The following EEF1AKMT1 variants were observed in gnomAD, a reference collection of about 807,000 sequenced individuals.
The protein encoded by EEF1AKMT1 is N-6 adenine-specific DNA methyltransferase 2 (putative).
A neutral mutation model predicts 21.0 loss-of-function variants in EEF1AKMT1; 18 were observed. That is an observed-to-expected ratio of 0.86 (90% CI 0.59 to 1.27). The LOEUF is 1.27. Ranked by LOEUF, EEF1AKMT1 falls within the 50% of genes most tolerant of loss-of-function variation. The probability of loss-of-function intolerance (pLI) is 0.00; values close to 1 mark genes in which losing one functional copy is unlikely to be tolerated. For missense variants in EEF1AKMT1, 246 were observed against 258.6 expected, an observed-to-expected ratio of 0.95 and a Z score of 0.33; for synonymous variants, 109 against 94.8, an observed-to-expected ratio of 1.15 and a Z score of -0.87.
rs1379205762 is a variant in EEF1AKMT1, at chr13:20,729,027, A to G, written c.*53T>C. The G allele has an allele frequency of 4.4e-6, 7 of 1,608,218 alleles. No homozygotes were observed. Among genetic ancestry groups the G allele is most frequent in the Non-Finnish European group, 6.0e-6 (7 of 1,175,278 alleles). ...TAACTTTTAAATCTACTACGAAAAT[A>G]CAAAAAGAGGAATGTGACAGGGTTC... On this transcript the variant is annotated 3_prime_UTR_variant, in exon 5 of 5. Transcript: ENST00000382758.
intron 2 of EEF1AKMT1, among the ~76,000 whole-genome samples, chr13:20,739,361 A>G (rs971964192): frequency 6.6e-6 from 1 of 152,180 alleles, no homozygotes; most frequent in East Asian, 1.9e-4. Flanking sequence ...GCCGCCGCTA[A>G]GCAGGGGCAG....
intron 2 of EEF1AKMT1, among the ~76,000 whole-genome samples, chr13:20,750,624 T>C (rs978939195): frequency 1.3e-5 from 2 of 152,218 alleles, no homozygotes; most frequent in African/African-American, 2.4e-5. Context: ...ATCCTTGTTA[T>C]TGTGAATAGT....
intron 1 of EEF1AKMT1, among the ~76,000 whole-genome samples, chr13:20,766,109 C>G (rs1451335951): frequency 6.6e-6 from 1 of 151,236 alleles, no homozygotes; most frequent in African/African-American, 2.4e-5. Context: ...ACCAGCCTGG[C>G]CAACATGGTG....
intron 2 of EEF1AKMT1, among the ~76,000 whole-genome samples, chr13:20,749,270 T>C (rs185193736): frequency 6.6e-6 from 1 of 152,302 alleles, no homozygotes; most frequent in Admixed American, 6.5e-5. Context: ...CCTATCACTT[T>C]TGTATTTCCC....
chr13:20,767,775 T>C (rs1479344947), intron 1 of EEF1AKMT1, among the ~76,000 whole-genome samples: 4 of 152,212 alleles, frequency 2.6e-5, no homozygotes, highest in African/African-American at 2.4e-5. Flanking sequence ...ATTATACATA[T>C]ATTTAGTAGC....
At chr13:20,744,153 CAT>C (rs1285338633) in intron 2 of EEF1AKMT1, among the ~76,000 whole-genome samples, 2 of 152,316 alleles carry the variant, frequency 1.3e-5, no homozygotes, top group East Asian at 1.9e-4. Context: ...CTGCAATAAA[CAT>C]ATGTGTGCAT....
chr13:20,773,216 T>C lies in EEF1AKMT1; in HGVS notation c.-20+705A>G, dbSNP rs528808847. ...AATGCTTACAATGAAATGCAGGTCG[T>C]ACGTGTGCAGTGCGACGTTGTGATG... On this transcript the variant is annotated intron_variant, in intron 1 of 4. Transcript: ENST00000382758. Among the ~76,000 whole-genome samples, 4 of 152,298 alleles carry C rather than the reference T, an allele frequency of 2.6e-5. No homozygotes were observed. In the South Asian group the frequency reaches 8.3e-4, roughly 32 times the overall value.
chr13:20,746,104 CAT>C (rs67316150), intron 2 of EEF1AKMT1, among the ~76,000 whole-genome samples: 22,987 of 151,972 alleles, frequency 0.15, 1,910 homozygotes, highest in African/African-American at 0.21. Flanking sequence ...GACAAATATA[CAT>C]ATATACATGT....
chr13:20,735,374 G>C (rs202202371), intron 3 of EEF1AKMT1, among the ~76,000 whole-genome samples: 1 of 152,062 alleles, frequency 6.6e-6, no homozygotes, highest in Non-Finnish European at 1.5e-5. Flanking sequence ...TTGTCTGGAT[G>C]GGGGGGATGC....
chr13:20,751,288 A>C (rs1473212320), intron 2 of EEF1AKMT1, among the ~76,000 whole-genome samples: 4 of 152,060 alleles, frequency 2.6e-5, no homozygotes, highest in Non-Finnish European at 4.4e-5. Context: ...TTTTGTCTAG[A>C]AGTTTTATAG....
intron 1 of EEF1AKMT1, among the ~76,000 whole-genome samples, chr13:20,771,176 C>A (rs765856506): frequency 6.6e-6 from 1 of 152,136 alleles, no homozygotes; most frequent in Non-Finnish European, 1.5e-5. Flanking sequence ...CCAGCCAATT[C>A]CATTTTTATT....
intron 2 of EEF1AKMT1, among the ~76,000 whole-genome samples, chr13:20,748,309 G>GCCA (rs2058919300): frequency 6.6e-6 from 1 of 151,986 alleles, no homozygotes; most frequent in African/African-American, 2.4e-5. Context: ...GGTGGCGGGC[G>GCCA]CCTGTAGTCC....
chr13:20,756,278 A>G (rs1381749786), intron 2 of EEF1AKMT1, among the ~76,000 whole-genome samples: 2 of 152,196 alleles, frequency 1.3e-5, no homozygotes, highest in Admixed American at 6.5e-5. Flanking sequence ...TCCTTTAAAA[A>G]AAAAAATTAT....
chr13:20,735,258 G>A (rs1237094177), intron 3 of EEF1AKMT1, among the ~76,000 whole-genome samples: 1 of 152,128 alleles, frequency 6.6e-6, no homozygotes, highest in African/African-American at 2.4e-5. Context: ...AAAACTGGGA[G>A]GTTTTACTGA....
At chr13:20,732,160 CAGAG>C (rs765755633) in intron 3 of EEF1AKMT1, 39 bp from the exon 4 acceptor site, 3 of 1,566,590 alleles carry the variant, frequency 1.9e-6, no homozygotes, top group Non-Finnish European at 2.6e-6. Context: ...ACATCCTTAA[CAGAG>C]AGATTACGGT....
chr13:20,730,322 T>C (rs890007077), intron 4 of EEF1AKMT1, among the ~76,000 whole-genome samples: 1 of 152,130 alleles, frequency 6.6e-6, no homozygotes, highest in Admixed American at 6.5e-5. Context: ...CACGCAGCTC[T>C]GCAACACCAG....
intron 2 of EEF1AKMT1, among the ~76,000 whole-genome samples, chr13:20,741,430 TTTG>T (rs1206834599): frequency 6.6e-6 from 1 of 151,480 alleles, no homozygotes; most frequent in Non-Finnish European, 1.5e-5. Context: ...CCTTTGTTTG[TTTG>T]TTGTTTTTTA....
At chr13:20,765,405 GTTTTTTTTTTTT>G (rs1171165259) in intron 1 of EEF1AKMT1, among the ~76,000 whole-genome samples, 5 of 58,678 alleles carry the variant, frequency 8.5e-5, no homozygotes, top group African/African-American at 1.5e-4. Context: ...CTTCCCTTGG[GTTTTTTTTTTTT>G]TTTTTTTTTT....
chr13:20,741,550 G>A (rs773895955), intron 2 of EEF1AKMT1, among the ~76,000 whole-genome samples: 8 of 147,698 alleles, frequency 5.4e-5, no homozygotes, highest in South Asian at 2.1e-4. Flanking sequence ...TCCATCTCCC[G>A]GATTCAAGCA....
Sources: allele counts gnomAD v4.1 joint callset (sites outside exome capture counted in the v4.1 genomes callset), GRCh38; gene constraint gnomAD v4.1.1; transcripts MANE v1.5; gene names NCBI Gene and HGNC (gene_info 2026-07-23, HGNC 2026-07-21).